The following IGF2BP3 variants were observed in gnomAD, a reference collection of about 807,000 sequenced individuals.
IGF2BP3 encodes insulin like growth factor 2 mRNA binding protein 3, also known as insulin-like growth factor 2 mRNA-binding protein 3.
IGF2BP3 carries 9 observed loss-of-function variants against 73.8 expected under a neutral mutation model. That is an observed-to-expected ratio of 0.12 (90% CI 0.07 to 0.21). The LOEUF (loss-of-function observed/expected upper bound fraction) is 0.21. IGF2BP3 is among the 10% of genes least tolerant of loss of function. IGF2BP3 has a pLI of 1.00. For missense variants in IGF2BP3, 542 were observed against 714.0 expected (o/e 0.76, Z 2.75); for synonymous variants, 258 against 256.7 (o/e 1.01, Z -0.05).
chr7:23,432,847 C>A (rs1269102965), intron 2 of IGF2BP3, among the ~76,000 whole-genome samples: 1 of 152,128 alleles, frequency 6.6e-6, no homozygotes, highest in Admixed American at 6.5e-5. Flanking sequence ...ACCACGTTGC[C>A]CAGACTGGTC....
chr7:23,374,752 C>T (rs1057330408), intron 3 of IGF2BP3, among the ~76,000 whole-genome samples: 4 of 152,076 alleles, frequency 2.6e-5, no homozygotes, highest in African/African-American at 7.2e-5. Flanking sequence ...GGGAAATTCA[C>T]CCCCGATATT....
rs893418069 is a variant in IGF2BP3, at chr7:23,313,661, T to G, written c.1396-8A>C. ...ATAAATTCTTCCCTGAGCCTGCAGA[T>G]GAAAACACATCCTATTAGTGTCATT... On this transcript the variant is annotated splice_polypyrimidine_tract_variant and splice_region_variant and intron_variant, in intron 12 of 14. Transcript: ENST00000258729. 6.2e-7 allele frequency: 1 copy of G among 1,612,876 alleles called. No homozygotes were observed. Among genetic ancestry groups the G allele is most frequent in the African/African-American group, 1.3e-5 (1 of 74,956 alleles).
At chr7:23,339,426 A>G (rs1562684000) in intron 10 of IGF2BP3, among the ~76,000 whole-genome samples, 7 of 152,232 alleles carry the variant, frequency 4.6e-5, no homozygotes, top group African/African-American at 9.6e-5. Context: ...GAACTATACC[A>G]TAAGTCAGAA....
intron 2 of IGF2BP3, among the ~76,000 whole-genome samples, chr7:23,442,082 A>G (rs10273123): frequency 0.98 from 149,608 of 152,342 alleles, 73,482 homozygotes; most frequent in Middle Eastern, 1. Flanking sequence ...AGCCAAGATC[A>G]TGCCATTGCA....
intron 3 of IGF2BP3, among the ~76,000 whole-genome samples, chr7:23,397,923 G>A (rs1022943023): frequency 6.6e-6 from 1 of 152,196 alleles, no homozygotes; most frequent in African/African-American, 2.4e-5. Context: ...TGAGCCTTAT[G>A]TAATCATGGA....
intron 10 of IGF2BP3, among the ~76,000 whole-genome samples, chr7:23,338,782 A>T (rs1231261904): frequency 6.6e-6 from 1 of 152,216 alleles, no homozygotes; most frequent in Non-Finnish European, 1.5e-5. Context: ...TTTCCCCTTA[A>T]GGCAGGGAAT....
intron 2 of IGF2BP3, among the ~76,000 whole-genome samples, chr7:23,421,569 G>C (rs1351461405): frequency 6.6e-6 from 1 of 150,504 alleles, no homozygotes; most frequent in South Asian, 2.1e-4. Context: ...GCACATGCCT[G>C]TAATCCCGGC....
intron 10 of IGF2BP3, among the ~76,000 whole-genome samples, chr7:23,331,722 T>A (rs192000120): frequency 2.7e-4 from 41 of 151,910 alleles, no homozygotes; most frequent in Middle Eastern, 6.8e-3. Flanking sequence ...TAGCTGGGCG[T>A]GGTGGCGTGT....
intron 3 of IGF2BP3, among the ~76,000 whole-genome samples, chr7:23,393,065 CATT>C (rs1354907122): frequency 6.6e-6 from 1 of 152,180 alleles, no homozygotes; most frequent in East Asian, 1.9e-4. Flanking sequence ...CAGCAAGTCT[CATT>C]AGCGTCCTTG....
intron 10 of IGF2BP3, among the ~76,000 whole-genome samples, chr7:23,340,345 A>C (rs1270098194): frequency 1.3e-5 from 2 of 152,174 alleles, no homozygotes; most frequent in African/African-American, 4.8e-5. Context: ...TAAAGGCAGA[A>C]ACACACACGG....
intron 9 of IGF2BP3, 143 bp downstream of exon 9, chr7:23,343,575 C>T: frequency 1.4e-6 from 1 of 731,252 alleles, no homozygotes; most frequent in Non-Finnish European, 2.3e-6. Flanking sequence ...CCCTACTATC[C>T]CAGGGTACTT....
At chr7:23,389,996 C>T (rs1360606461) in intron 3 of IGF2BP3, among the ~76,000 whole-genome samples, 1 of 152,088 alleles carries the variant, frequency 6.6e-6, no homozygotes, top group East Asian at 1.9e-4. Flanking sequence ...ACACACACAC[C>T]CCTTTGACTA....
intron 3 of IGF2BP3, among the ~76,000 whole-genome samples, chr7:23,385,320 T>G (rs987878141): frequency 6.6e-6 from 1 of 152,120 alleles, no homozygotes; most frequent in Non-Finnish European, 1.5e-5. Flanking sequence ...AGAAAGAAAG[T>G]GAATCTGAAT....
intron 3 of IGF2BP3, among the ~76,000 whole-genome samples, chr7:23,409,882 C>T (rs1786962474): frequency 6.6e-6 from 1 of 152,118 alleles, no homozygotes; most frequent in African/African-American, 2.4e-5. Context: ...AAATTTAAAA[C>T]TTTTGGCCAG....
Position 23,334,431 on chromosome 7 carries a change from T to TTA in IGF2BP3, c.1203+7631_1203+7632dup, listed in dbSNP as rs1422473147. 3.3e-5 allele frequency among the ~76,000 whole-genome samples: 5 copies of TTA among 152,358 alleles called. No homozygotes were observed. The East Asian group carries it at 5.8e-4, about 18-fold the overall frequency. ...CCAAATAGGCAGATAATTTAAATTT[T>TTA]TACTTGCAAAACTCAGCAGGCAGAG... is the stretch of plus-strand genomic sequence containing the variant. On this transcript the variant is annotated intron_variant, in intron 10 of 14. Transcript: ENST00000258729.
chr7:23,385,474 G>A (rs1286470523), intron 3 of IGF2BP3, among the ~76,000 whole-genome samples: 1 of 152,102 alleles, frequency 6.6e-6, no homozygotes, highest in Non-Finnish European at 1.5e-5. Flanking sequence ...TAAAATTTAA[G>A]GTTGAGATCA....
intron 10 of IGF2BP3, among the ~76,000 whole-genome samples, chr7:23,321,073 G>C (rs112092563): frequency 6.6e-6 from 1 of 152,174 alleles, no homozygotes; most frequent in African/African-American, 2.4e-5. Context: ...GAGGAGCCAA[G>C]ATGGCCAAAT....
At chr7:23,418,737 C>T in intron 3 of IGF2BP3, 39 bp downstream of exon 3, 2 of 1,336,500 alleles carry the variant, frequency 1.5e-6, no homozygotes, top group Non-Finnish European at 2.1e-6. Flanking sequence ...CAATAGGCTT[C>T]CATACTTAGA....
At chr7:23,430,086 C>CT (rs1156607130) in intron 2 of IGF2BP3, among the ~76,000 whole-genome samples, 8,204 of 138,058 alleles carry the variant, frequency 0.059, 672 homozygotes, top group African/African-American at 0.18. Flanking sequence ...TTCTTTGCCT[C>CT]TTTTTTTTTT....
Sources: allele counts gnomAD v4.1 joint callset (sites outside exome capture counted in the v4.1 genomes callset), GRCh38; gene constraint gnomAD v4.1.1; transcripts MANE v1.5; gene names NCBI Gene and HGNC (gene_info 2026-07-23, HGNC 2026-07-21).